Variants in STRIP1 observed in about 807,000 individuals in gnomAD.
STRIP1 encodes the protein striatin-interacting protein 1.
In STRIP1, 63 loss-of-function variants were observed where a neutral mutation model predicts 106.2. That is an observed-to-expected ratio of 0.59 (90% CI 0.48 to 0.73). The LOEUF is 0.73. Among genes scored for constraint, STRIP1 ranks in the 30% least tolerant of loss-of-function variants. The probability of loss-of-function intolerance (pLI) is 0.00; values close to 1 mark genes in which losing one functional copy is unlikely to be tolerated. For missense variants in STRIP1, 857 were observed against 1,074.8 expected, an observed-to-expected ratio of 0.80 and a Z score of 2.83; for synonymous variants, 390 against 413.0, an observed-to-expected ratio of 0.94 and a Z score of 0.67.
At chr1:110,031,611 G>A (rs1350378773), upstream of STRIP1, 1 of 152,066 alleles carries the variant, frequency 6.6e-6, no homozygotes, top group Non-Finnish European at 1.5e-5. Context: ...TGGAGTTGCT[G>A]TGGTTCACAC....
chr1:110,037,449 C>T (rs1266859104), intron 1 of STRIP1, among the ~76,000 whole-genome samples: 9 of 152,202 alleles, frequency 5.9e-5, no homozygotes, highest in South Asian at 2.1e-4. Flanking sequence ...TGACAGTCCA[C>T]TAGCCAGAAA....
intron 6 of STRIP1, chr1:110,041,332 A>G (rs189154153): frequency 9.2e-5 from 48 of 520,312 alleles, no homozygotes; most frequent in Non-Finnish European, 1.5e-4. Context: ...CTTTGACCCT[A>G]CAGCTCGCTA....
chr1:110,045,367 C>T, intron 12 of STRIP1: 1 of 382,340 alleles, frequency 2.6e-6, no homozygotes, highest in South Asian at 2.6e-5. Context: ...GTCCCAGCTA[C>T]TCAAGAGGTT....
At chr1:110,034,544 T>C, upstream of STRIP1, 3 of 1,408,394 alleles carry the variant, frequency 2.1e-6, no homozygotes, top group South Asian at 4.6e-5. Context: ...CCACACTTAA[T>C]ATGGCGGCCA....
intron 20 of STRIP1, 140 bp from the exon 21 acceptor site, chr1:110,053,525 A>G (rs1653396976): frequency 8.3e-7 from 1 of 1,209,928 alleles, no homozygotes; most frequent in African/African-American, 1.5e-5. Context: ...GGATCTAGGA[A>G]GGAATTCCTG....
chr1:110,044,615 C>G (rs1652929691), intron 10 of STRIP1, among the ~76,000 whole-genome samples: 1 of 152,156 alleles, frequency 6.6e-6, no homozygotes, highest in Admixed American at 6.5e-5. Flanking sequence ...TATGAATAAA[C>G]TAGTTAACAT....
intron 18 of STRIP1, among the ~76,000 whole-genome samples, 176 bp downstream of exon 18, chr1:110,050,585 G>T (rs1421372161): frequency 6.6e-6 from 1 of 152,260 alleles, no homozygotes; most frequent in South Asian, 2.1e-4. Context: ...GGCTCTTGCA[G>T]AGCAGAGAGA....
intron 12 of STRIP1, among the ~76,000 whole-genome samples, chr1:110,046,346 A>G (rs1653016581): frequency 6.6e-6 from 1 of 152,112 alleles, no homozygotes; most frequent in Non-Finnish European, 1.5e-5. Flanking sequence ...CTAAAAATAC[A>G]AAAATTAGCC....
In STRIP1 at chr1:110,043,178, A is replaced by G; in HGVS notation, c.976A>G (p.Lys326Glu). ...CCCCCCGCTTCCTGAGGACAGCATC[A>G]AAGTGATTCGCAACATGAGAGCAGC... is the stretch of plus-strand genomic sequence containing the variant. ...GLPPLPEDSI[K>E]VIRNMRAASP... The change falls in exon 9 of 21, where the codon AAA becomes GAA. Residue 326 changes from lysine (K) to glutamate (E), a missense_variant. Physicochemically the swap from Lys to Glu is moderately conservative, Grantham distance 56 (BLOSUM62 1). Transcript: ENST00000369795. 6.2e-7 allele frequency: 1 copy of G among 1,614,088 alleles called. No individual in the cohort carries two copies. The highest frequency in any genetic ancestry group is 8.5e-7 in the Non-Finnish European group (1 of 1,180,038).
At chr1:110,046,993 T>C (rs1570924700) in intron 13 of STRIP1, among the ~76,000 whole-genome samples, 1 of 151,826 alleles carries the variant, frequency 6.6e-6, no homozygotes, top group Non-Finnish European at 1.5e-5. Flanking sequence ...GAGCTTGTAG[T>C]GAGCCGAGAT....
At chr1:110,042,703 C>G (rs1652819243) in intron 8 of STRIP1, among the ~76,000 whole-genome samples, 2 of 152,152 alleles carry the variant, frequency 1.3e-5, no homozygotes, top group African/African-American at 4.8e-5. Flanking sequence ...GTTGAGCAAC[C>G]AACAGTATTT....
chr1:110,043,741 C>G lies in STRIP1; in HGVS notation c.1171C>G (p.Leu391Val). 1 of 1,614,180 alleles carries G rather than the reference C, an allele frequency of 6.2e-7. No homozygotes were observed. The highest frequency in any genetic ancestry group is 1.3e-5 in the African/African-American group (1 of 75,066). ...EEEENDDDNS[L>V]EGETFPLERD... ...AGAGGAGAATGATGATGACAACAGT[C>G]TGGAGGGGGAGACGTTTCCCCTGGA... Residue 391 changes from leucine to valine, a missense_variant, in exon 10 of 21, where the codon CTG becomes GTG. Physicochemically the swap from Leu to Val is conservative, Grantham distance 32. Transcript: ENST00000369795.
At chr1:110,031,939 G>C (rs1652202233), upstream of STRIP1, among the ~76,000 whole-genome samples, 1 of 138,034 alleles carries the variant, frequency 7.2e-6, no homozygotes, top group African/African-American at 2.8e-5. Context: ...TCGCTCTGTT[G>C]CCCAGGCTGG....
upstream of STRIP1, among the ~76,000 whole-genome samples, chr1:110,032,227 A>G (rs1012913267): frequency 6.6e-6 from 1 of 152,170 alleles, no homozygotes; most frequent in African/African-American, 2.4e-5. Context: ...TAGCTGAAAA[A>G]TGTTTTTCCC....
upstream of STRIP1, among the ~76,000 whole-genome samples, chr1:110,031,795 T>G (rs1481436238): frequency 1.3e-5 from 2 of 152,226 alleles, no homozygotes; most frequent in African/African-American, 4.8e-5. Context: ...TTCTGCTCCT[T>G]CACATTTGGG....
At chr1:110,053,057 T>C (rs1653376443) in intron 20 of STRIP1, among the ~76,000 whole-genome samples, 1 of 152,214 alleles carries the variant, frequency 6.6e-6, no homozygotes, top group African/African-American at 2.4e-5. Flanking sequence ...GGGCTGTCAG[T>C]CCAGCCTCCA....
intron 6 of STRIP1, 46 bp downstream of exon 6, chr1:110,040,749 G>C (rs746474304): frequency 1.5e-5 from 23 of 1,550,642 alleles, no homozygotes; most frequent in Non-Finnish European, 2.0e-5. Flanking sequence ...AGTCAGAGAT[G>C]AGATCAGAGC....
At chr1:110,035,010 T>C (rs1652373574) in intron 1 of STRIP1, among the ~76,000 whole-genome samples, 193 bp downstream of exon 1, 1 of 152,116 alleles carries the variant, frequency 6.6e-6, no homozygotes, top group African/African-American at 2.4e-5. Flanking sequence ...GAGTCCTTGC[T>C]CTAGCTCCGC....
intron 13 of STRIP1, among the ~76,000 whole-genome samples, chr1:110,047,126 A>G (rs1011533760): frequency 2.0e-5 from 3 of 152,030 alleles, no homozygotes; most frequent in African/African-American, 7.3e-5. Context: ...TTAGACCACA[A>G]GGTTGCCCCA....
Sources: allele counts gnomAD v4.1 joint callset (sites outside exome capture counted in the v4.1 genomes callset), GRCh38; gene constraint gnomAD v4.1.1; transcripts MANE v1.5; gene names NCBI Gene and HGNC (gene_info 2026-07-23, HGNC 2026-07-21).